THSD4: variants seen among roughly 807,000 people sequenced by gnomAD.
THSD4 encodes thrombospondin type-1 domain-containing protein 4.
In THSD4, 69 loss-of-function variants were observed where a neutral mutation model predicts 119.0. The ratio of observed to expected loss-of-function variants is 0.58; its 90% CI spans 0.48 to 0.71. The LOEUF is 0.71. Among genes scored for constraint, THSD4 ranks in the 30% least tolerant of loss-of-function variants. The pLI, the probability that THSD4 is intolerant of heterozygous loss-of-function variation, is 0.00. For synonymous variants in THSD4, 524 were observed against 540.4 expected (o/e 0.97, Z 0.42); for missense variants, 1,393 against 1,391.1 (o/e 1.00, Z -0.02).
intron 6 of THSD4, among the ~76,000 whole-genome samples, chr15:71,355,971 G>A (rs959891360): frequency 2.0e-5 from 3 of 152,022 alleles, no homozygotes; most frequent in African/African-American, 4.8e-5. Context: ...AGGTTTCAGC[G>A]ATTCTGCTGC....
At chr15:71,648,475 G>C (rs1255191527) in intron 7 of THSD4, among the ~76,000 whole-genome samples, 2 of 152,116 alleles carry the variant, frequency 1.3e-5, no homozygotes, top group Non-Finnish European at 2.9e-5. Flanking sequence ...TTCCATAGCT[G>C]GTCTCCAAGA....
rs117000204 is a variant in THSD4 at position 71,519,383 on chromosome 15, G to T, written c.1152+107560G>T. Among the ~76,000 whole-genome samples the T allele has an allele frequency of 3.8e-3, 577 of 152,078 alleles. 4 individuals carry two copies. The highest frequency in any genetic ancestry group is 6.1e-3 in the Non-Finnish European group (414 of 67,976). ...TTTTTTCTTTTTCTTTTTTTGAGAC[G>T]GAGTCTCTCACTCTGTCACCCAAGC... On this transcript the variant is annotated intron_variant, in intron 7 of 17. Coordinates refer to ENST00000261862, the MANE Select transcript of THSD4 (RefSeq NM_024817.3).
chr15:71,761,242 T>C (rs1316328281), intron 15 of THSD4, among the ~76,000 whole-genome samples: 2 of 152,190 alleles, frequency 1.3e-5, no homozygotes, highest in Non-Finnish European at 2.9e-5. Flanking sequence ...GTGGTATTTC[T>C]TCTGTGATAA....
At chr15:71,326,716 T>A (rs1442057632) in intron 6 of THSD4, among the ~76,000 whole-genome samples, 1 of 78,236 alleles carries the variant, frequency 1.3e-5, no homozygotes, top group Non-Finnish European at 2.7e-5. Context: ...TATATATATA[T>A]ATATATATAT....
rs1463773739 is a variant in THSD4 at position 71,429,074 on chromosome 15, G to T, written c.1152+17251G>T. On this transcript the variant is annotated intron_variant, in intron 7 of 17. Coordinates refer to ENST00000261862, the MANE Select transcript of THSD4 (RefSeq NM_024817.3). ...ACCATTACCAGTCATGCTGCTGTAG[G>T]GGCCAAGCTTCCCACTTCCTCCTCT... Among the ~76,000 whole-genome samples, 3 of 152,144 alleles carry T rather than the reference G, an allele frequency of 2.0e-5. No individual in the cohort carries two copies. The East Asian group carries it at 5.8e-4, about 29-fold the overall frequency.
intron 8 of THSD4, among the ~76,000 whole-genome samples, chr15:71,671,839 T>G (rs540522134): frequency 6.6e-6 from 1 of 152,148 alleles, no homozygotes; most frequent in Admixed American, 6.5e-5. Context: ...ATCCATTGGT[T>G]TATATCTCTG....
intron 3 of THSD4, among the ~76,000 whole-genome samples, chr15:71,196,271 AT>A (rs1196767428): frequency 6.6e-6 from 1 of 152,192 alleles, no homozygotes; most frequent in Non-Finnish European, 1.5e-5. Context: ...CAGCACCTGA[AT>A]TTTGAAGGAG....
intron 3 of THSD4, among the ~76,000 whole-genome samples, chr15:71,188,336 A>C (rs993550316): frequency 6.6e-6 from 1 of 152,134 alleles, no homozygotes; most frequent in African/African-American, 2.4e-5. Context: ...GGTGTATTCC[A>C]TGACTCTCAA....
chr15:71,459,162 T>TTTTTTTTTTC (rs1457061789), intron 7 of THSD4, among the ~76,000 whole-genome samples: 62 of 96,542 alleles, frequency 6.4e-4, no homozygotes, highest in African/African-American at 1.7e-3. Flanking sequence ...CTTTTTTTCT[T>TTTTTTTTTTC]TTTTTTTTTT....
chr15:71,735,032 C>T (rs1215315396), intron 10 of THSD4, among the ~76,000 whole-genome samples: 1 of 152,026 alleles, frequency 6.6e-6, no homozygotes, highest in African/African-American at 2.4e-5. Context: ...TCAACTTCAC[C>T]CTTCTTTGAA....
intron 6 of THSD4, among the ~76,000 whole-genome samples, chr15:71,343,436 C>T (rs1456319145): frequency 6.6e-6 from 1 of 152,180 alleles, no homozygotes; most frequent in Non-Finnish European, 1.5e-5. Context: ...TTCTAACCAT[C>T]TCAGAGGGGA....
chr15:71,365,116 C>G (rs889197923), intron 6 of THSD4, among the ~76,000 whole-genome samples: 3 of 104,148 alleles, frequency 2.9e-5, no homozygotes, highest in African/African-American at 8.5e-5. Flanking sequence ...GAAAATATAT[C>G]CACTGCCCCC....
At chr15:71,259,958 G>T (rs1484871568) in intron 6 of THSD4, among the ~76,000 whole-genome samples, 1 of 152,100 alleles carries the variant, frequency 6.6e-6, no homozygotes, top group East Asian at 1.9e-4. Flanking sequence ...GTGATTACCT[G>T]GGGGGAAAGA....
At chr15:71,508,246 C>T (rs2048223321) in intron 7 of THSD4, among the ~76,000 whole-genome samples, 1 of 152,174 alleles carries the variant, frequency 6.6e-6, no homozygotes, top group Non-Finnish European at 1.5e-5. Context: ...TGGGTTAAGC[C>T]ACATCACAGT....
At chr15:71,414,325 CT>C (rs544039050) in intron 7 of THSD4, among the ~76,000 whole-genome samples, 1 of 152,248 alleles carries the variant, frequency 6.6e-6, no homozygotes, top group Admixed American at 6.5e-5. Flanking sequence ...AAGTGTTTGC[CT>C]TTTTTTGTCG....
chr15:71,238,122 G>GA (rs989717787), intron 4 of THSD4, among the ~76,000 whole-genome samples: 13 of 150,198 alleles, frequency 8.7e-5, no homozygotes, highest in South Asian at 8.5e-4. Context: ...TGAACAAGTG[G>GA]AAAAAAAAAT....
rs1030228809 is a variant in THSD4 at position 71,341,272 on chromosome 15, C to T, written c.1016-70415C>T. 8.8e-6 allele frequency: 14 copies of T among 1,597,500 alleles called. No individual in the cohort carries two copies. The East Asian group carries it at 2.9e-4, about 33-fold the overall frequency. ...TCTGTTCCTTTTCCGTAAGGATCAT[C>T]TCAATGTGGCAGGGAGAGCTCATGT... On this transcript the variant is annotated intron_variant, in intron 6 of 17. Transcript: ENST00000261862.
At chr15:71,464,585 A>G (rs186808422) in intron 7 of THSD4, among the ~76,000 whole-genome samples, 211 of 152,266 alleles carry the variant, frequency 1.4e-3, no homozygotes, top group Middle Eastern at 3.4e-3. Flanking sequence ...TGAGTTTTTC[A>G]TGGGAAAGAT....
At chr15:71,508,745 G>A (rs4132883) in intron 7 of THSD4, among the ~76,000 whole-genome samples, 65,675 of 151,868 alleles carry the variant, frequency 0.43, 16,121 homozygotes, top group East Asian at 0.77. Context: ...GTATTTTTAG[G>A]TATTATAAAT....
Sources: allele counts gnomAD v4.1 joint callset (sites outside exome capture counted in the v4.1 genomes callset), GRCh38; gene constraint gnomAD v4.1.1; transcripts MANE v1.5; gene names NCBI Gene and HGNC (gene_info 2026-07-23, HGNC 2026-07-21).